LRP6: variants seen among roughly 807,000 people sequenced by gnomAD.
The protein encoded by LRP6 is low-density lipoprotein receptor-related protein 6.
In LRP6, 43 loss-of-function variants were observed where a neutral mutation model predicts 184.1. The observed-to-expected ratio is 0.23, with a 90% CI of 0.18 to 0.30. The LOEUF is 0.30. LRP6 is among the 10% of genes least tolerant of loss of function. The pLI is 1.00. For missense variants in LRP6, 1,571 were observed against 2,005.3 expected, an observed-to-expected ratio of 0.78 and a Z score of 4.14; for synonymous variants, 719 against 684.9, an observed-to-expected ratio of 1.05 and a Z score of -0.78.
rs1428775168 is a variant in LRP6 at position 12,147,386 on chromosome 12, A to G, written c.3377T>C (p.Ile1126Thr). The G allele has an allele frequency of 6.2e-7, 1 of 1,614,064 alleles. No individual in the cohort carries two copies. Among genetic ancestry groups the G allele is most frequent in the East Asian group, 2.2e-5 (1 of 44,884 alleles). Residue 1126 changes from isoleucine to threonine, a missense_variant, in exon 15 of 23, where the codon ATT becomes ACT. Transcript: ENST00000261349. ...LFWADSDLRR[I>T]ESSDLSGANR... Reference sequence around the variant, plus strand: ...GGTACCTGAGAGATCACTGCTTTCAATTCGCCGGAGATCTGAATCAGCCCA... The same window carrying G: ...GGTACCTGAGAGATCACTGCTTTCAGTTCGCCGGAGATCTGAATCAGCCCA...
intron 7 of LRP6, among the ~76,000 whole-genome samples, chr12:12,179,429 C>T (rs1023266604): frequency 6.8e-6 from 1 of 146,520 alleles, no homozygotes; most frequent in Non-Finnish European, 1.5e-5. Flanking sequence ...TATACACATA[C>T]ATGTGGGCTT....
chr12:12,133,101 A>T (rs1280606137), intron 17 of LRP6, among the ~76,000 whole-genome samples: 1 of 152,204 alleles, frequency 6.6e-6, no homozygotes, highest in African/African-American at 2.4e-5. Context: ...TATACTATCT[A>T]TATTGTATGG....
chr12:12,155,306 C>A, intron 12 of LRP6: 1 of 755,892 alleles, frequency 1.3e-6, no homozygotes, highest in East Asian at 2.4e-5. Context: ...GATACGTGTT[C>A]TCTAGGCCTT....
chr12:12,177,469 T>C (rs966761134), intron 7 of LRP6, among the ~76,000 whole-genome samples: 3 of 152,206 alleles, frequency 2.0e-5, no homozygotes, highest in African/African-American at 7.2e-5. Flanking sequence ...GTAGTAGCAG[T>C]TGCTCCTAGA....
Position 12,205,353 on chromosome 12 carries a change from AAAAG to A in LRP6, c.450-1957_450-1954del, listed in dbSNP as rs1470257150. Reference sequence around the variant, plus strand: ...ACAAAAAAAAAAAAAAAAAAAAAAAAAAAGAGGTAATGAGGGTGCTATGAAACAG... The same window carrying A: ...ACAAAAAAAAAAAAAAAAAAAAAAAAAGGTAATGAGGGTGCTATGAAACAG... On this transcript the variant is annotated intron_variant, in intron 2 of 22. Coordinates refer to ENST00000261349, the MANE Select transcript of LRP6 (RefSeq NM_002336.3). Among the ~76,000 whole-genome samples, 229 of 137,376 alleles carry A rather than the reference AAAAG, an allele frequency of 1.7e-3. 1 individual carries two copies. Among genetic ancestry groups the A allele is most frequent in the African/African-American group, 5.6e-3 (204 of 36,598 alleles). The allele number at this position is 137,376 out of a possible 152,430, so 90.1% of individuals were successfully genotyped here.
chr12:12,241,708 A>G (rs1057196213), intron 2 of LRP6, among the ~76,000 whole-genome samples: 1 of 152,128 alleles, frequency 6.6e-6, no homozygotes, highest in Admixed American at 6.5e-5. Context: ...ATAATACAAA[A>G]TATTTCACTG....
intron 13 of LRP6, among the ~76,000 whole-genome samples, chr12:12,150,013 G>A (rs757291961): frequency 4.4e-4 from 67 of 152,040 alleles, no homozygotes; most frequent in Non-Finnish European, 8.8e-4. Context: ...TACCTCCTTG[G>A]TCTTTATTTT....
chr12:12,236,022 G>A (rs1488447839), intron 2 of LRP6, among the ~76,000 whole-genome samples: 1 of 152,026 alleles, frequency 6.6e-6, no homozygotes, highest in Non-Finnish European at 1.5e-5. Flanking sequence ...TCAGGAGATC[G>A]AGACCATCCG....
chr12:12,186,678 A>C, intron 4 of LRP6: 1 of 210,134 alleles, frequency 4.8e-6, no homozygotes, highest in East Asian at 8.6e-5. Context: ...TTTTTTTTTG[A>C]GACACAGTCT....
At position 12,125,354 on chromosome 12, in the gene LRP6, T is replaced by C; in HGVS notation, c.4391A>G (p.His1464Arg). The C allele has an allele frequency of 6.2e-7, 1 of 1,614,070 alleles. No homozygotes were observed. The highest frequency in any genetic ancestry group is 1.1e-5 in the South Asian group (1 of 91,070). Residue 1464 changes from histidine to arginine, a missense_variant, in exon 21 of 23, where the codon CAT becomes CGT. Physicochemically the swap from His to Arg is conservative, Grantham distance 29. Transcript: ENST00000261349. ...GSSGPPYDRA[H>R]VTGASSSSSS... ...ACTACTTGATGATGCTCCTGTAACA[T>C]GGGCTCGGTCATAGGGGGGTCCACT...
At chr12:12,223,577 C>G (rs759597035) in intron 2 of LRP6, among the ~76,000 whole-genome samples, 22 of 152,292 alleles carry the variant, frequency 1.4e-4, no homozygotes, top group Non-Finnish European at 2.8e-4. Flanking sequence ...CTCCCCCAGT[C>G]TGTGAGATCT....
At chr12:12,242,570 CA>C (rs1865093859) in intron 2 of LRP6, among the ~76,000 whole-genome samples, 1 of 152,158 alleles carries the variant, frequency 6.6e-6, no homozygotes, top group Non-Finnish European at 1.5e-5. Flanking sequence ...ACTCTGTTAG[CA>C]AAACACAAAC....
chr12:12,152,514 T>C (rs959847796), intron 12 of LRP6, among the ~76,000 whole-genome samples: 1 of 152,048 alleles, frequency 6.6e-6, no homozygotes. Context: ...CTCGAACTCC[T>C]GACCTCGTGA....
intron 3 of LRP6, among the ~76,000 whole-genome samples, chr12:12,197,159 A>G (rs1160582318): frequency 6.6e-6 from 1 of 152,204 alleles, no homozygotes; most frequent in Non-Finnish European, 1.5e-5. Flanking sequence ...GAATTTAAAC[A>G]CACTTCACAG....
chr12:12,120,042 TAA>T lies in LRP6; in HGVS notation c.*1082_*1083del, dbSNP rs61195540. ...ATATATATATATATATATATATATATAAATGATTTCGTACTGTGATATATGCT... is the reference window on the plus strand; with the variant it reads ...ATATATATATATATATATATATATATATGATTTCGTACTGTGATATATGCT... On this transcript the variant is annotated 3_prime_UTR_variant, in exon 23 of 23. Coordinates refer to ENST00000261349, the MANE Select transcript of LRP6 (RefSeq NM_002336.3). The T allele has an allele frequency of 1.9e-4, 21 of 110,848 alleles. No individual in the cohort carries two copies. The highest frequency in any genetic ancestry group is 8.7e-4 in the South Asian group (3 of 3,436). 6.9% of individuals were successfully genotyped at this position (110,848 alleles called of 1,614,324 possible). A position where few individuals can be genotyped will look rare whatever the true frequency, so the allele number is the denominator to read the frequency against.
chr12:12,250,877 C>G (rs989140750), intron 1 of LRP6, among the ~76,000 whole-genome samples: 4 of 151,984 alleles, frequency 2.6e-5, no homozygotes, highest in Non-Finnish European at 5.9e-5. Flanking sequence ...CCACCTCAGC[C>G]TCCCAATGTG....
intron 1 of LRP6, among the ~76,000 whole-genome samples, chr12:12,258,966 A>G (rs1203563387): frequency 6.7e-6 from 1 of 148,930 alleles, no homozygotes; most frequent in Non-Finnish European, 1.5e-5. Context: ...TTTCTTGGGA[A>G]AAAAAAAATG....
chr12:12,160,447 G>A (rs1182804136), intron 10 of LRP6, among the ~76,000 whole-genome samples: 2 of 152,198 alleles, frequency 1.3e-5, no homozygotes, highest in East Asian at 1.9e-4. Flanking sequence ...GTACATGAAA[G>A]GTAATTATAA....
intron 15 of LRP6, among the ~76,000 whole-genome samples, chr12:12,141,734 A>G (rs1949936711): frequency 6.6e-6 from 1 of 152,240 alleles, no homozygotes; most frequent in Non-Finnish European, 1.5e-5. Flanking sequence ...ATGCATATCC[A>G]TTTATTGAAA....
Sources: gnomAD v4.1 joint callset for allele counts (sites outside exome capture counted in the v4.1 genomes callset) on GRCh38, gnomAD v4.1.1 for gene constraint, MANE v1.5 for transcripts, NCBI Gene and HGNC (gene_info 2026-07-23, HGNC 2026-07-21) for gene names.